DBT: variants seen among roughly 807,000 people sequenced by gnomAD.
DBT encodes lipoamide acyltransferase component of branched-chain alpha-keto acid dehydrogenase complex, mitochondrial.
DBT carries 40 observed loss-of-function variants against 51.3 expected under a neutral mutation model. That is an observed-to-expected ratio of 0.78 (90% CI 0.61 to 1.02). The LOEUF (loss-of-function observed/expected upper bound fraction) is 1.02, where lower values mean the gene tolerates loss of function less well. Ranked by LOEUF, DBT falls within the 50% of genes least tolerant of loss-of-function variation. The pLI is 0.00. For missense variants in DBT, 510 were observed against 580.2 expected, an observed-to-expected ratio of 0.88 and a Z score of 1.24; for synonymous variants, 181 against 190.4, an observed-to-expected ratio of 0.95 and a Z score of 0.41.
chr1:100,198,215 A>T (rs1661217978), intron 10 of DBT, among the ~76,000 whole-genome samples: 1 of 152,248 alleles, frequency 6.6e-6, no homozygotes, highest in Admixed American at 6.5e-5. Context: ...TACATGCTAC[A>T]TGAATGAACC....
intron 3 of DBT, 118 bp downstream of exon 3, chr1:100,235,318 A>T: frequency 1.6e-6 from 1 of 610,634 alleles, no homozygotes; most frequent in Non-Finnish European, 3.0e-6. Flanking sequence ...GTGTTTATAA[A>T]GACGTTTCTC....
chr1:100,247,920 G>A (rs1373242384), intron 1 of DBT, among the ~76,000 whole-genome samples: 8 of 151,744 alleles, frequency 5.3e-5, no homozygotes, highest in Admixed American at 3.3e-4. Flanking sequence ...TGGCCATCAT[G>A]GTGAAACCTC....
In DBT at chr1:100,213,435, G is replaced by A. The variant is rs1662281756; in HGVS notation, c.939+1382C>T. 4 of 1,575,736 alleles carry A rather than the reference G, an allele frequency of 2.5e-6. No homozygotes were observed. The East Asian group carries it at 6.8e-5, about 27-fold the overall frequency. ...CCGCCCTACTCCTACCTCGTCACAC[G>A]GACACCCACCCACCATCCCAGGGTC... On this transcript the variant is annotated intron_variant, in intron 7 of 10. Coordinates refer to ENST00000370132, the MANE Select transcript of DBT (RefSeq NM_001918.5).
chr1:100,197,629 A>G (rs1304983026), intron 10 of DBT, among the ~76,000 whole-genome samples: 1 of 152,182 alleles, frequency 6.6e-6, no homozygotes, highest in Non-Finnish European at 1.5e-5. Flanking sequence ...AGAGATTAGG[A>G]ACATTAGGAG....
chr1:100,234,623 TC>T (rs1293870584), intron 3 of DBT, among the ~76,000 whole-genome samples: 1 of 152,200 alleles, frequency 6.6e-6, no homozygotes, highest in East Asian at 1.9e-4. Flanking sequence ...ACTATTATCC[TC>T]ATATGACACA....
At chr1:100,226,795 G>C (rs998780594) in intron 4 of DBT, among the ~76,000 whole-genome samples, 1 of 152,130 alleles carries the variant, frequency 6.6e-6, no homozygotes, top group African/African-American at 2.4e-5. Context: ...AAAGTTAACA[G>C]GACAATGTTA....
At chr1:100,216,435 A>C (rs1271357198) in intron 5 of DBT, among the ~76,000 whole-genome samples, 1 of 152,096 alleles carries the variant, frequency 6.6e-6, no homozygotes, top group African/African-American at 2.4e-5. Flanking sequence ...ATTTATGAAA[A>C]CTTACTTTTT....
intron 3 of DBT, among the ~76,000 whole-genome samples, chr1:100,231,557 C>T (rs1038100761): frequency 6.6e-6 from 1 of 152,140 alleles, no homozygotes; most frequent in Non-Finnish European, 1.5e-5. Flanking sequence ...TTATTTCTGA[C>T]TTATTGCCAG....
At chr1:100,217,397 C>T (rs1206200407) in intron 5 of DBT, among the ~76,000 whole-genome samples, 3 of 152,164 alleles carry the variant, frequency 2.0e-5, no homozygotes, top group Non-Finnish European at 2.9e-5. Context: ...GGTCTTCATA[C>T]TTAAACACAT....
chr1:100,231,499 T>C (rs2100828819), intron 3 of DBT, among the ~76,000 whole-genome samples: 1 of 152,326 alleles, frequency 6.6e-6, no homozygotes, highest in South Asian at 2.1e-4. Context: ...AAACCTGAAA[T>C]AATACATCTA....
intron 4 of DBT, among the ~76,000 whole-genome samples, chr1:100,222,745 C>T (rs1035858625): frequency 6.6e-6 from 1 of 152,002 alleles, no homozygotes; most frequent in Non-Finnish European, 1.5e-5. Context: ...AGCTCATGTC[C>T]CTCTTTCTCC....
chr1:100,210,336 AG>A (rs1170659824), intron 8 of DBT, among the ~76,000 whole-genome samples: 1 of 144,124 alleles, frequency 6.9e-6, no homozygotes, highest in Non-Finnish European at 1.5e-5. Flanking sequence ...AAGAAGAAGA[AG>A]AAGAAGAAGA....
At chr1:100,226,260 C>A (rs1459556278) in intron 4 of DBT, among the ~76,000 whole-genome samples, 1 of 138,944 alleles carries the variant, frequency 7.2e-6, no homozygotes, top group East Asian at 2.1e-4. Flanking sequence ...TTTTGTTTTT[C>A]TTTAAATTTT....
intron 7 of DBT, chr1:100,213,563 AC>A (rs1662292872): frequency 6.3e-7 from 1 of 1,582,942 alleles, no homozygotes; most frequent in South Asian, 1.1e-5. Flanking sequence ...GGACTGCTTC[AC>A]CTTCCTGGGC....
chr1:100,229,236 C>T (rs4908049), intron 4 of DBT, among the ~76,000 whole-genome samples: 118,499 of 149,948 alleles, frequency 0.79, 48,086 homozygotes, highest in East Asian at 0.95. Flanking sequence ...GGCACGATCT[C>T]GGCTCACTGC....
intron 10 of DBT, among the ~76,000 whole-genome samples, chr1:100,197,203 C>T (rs763421343): frequency 1.3e-5 from 2 of 152,196 alleles, no homozygotes; most frequent in Non-Finnish European, 2.9e-5. Context: ...CTCTCTTTTT[C>T]TATACTGATC....
At chr1:100,228,835 G>A (rs1663363292) in intron 4 of DBT, among the ~76,000 whole-genome samples, 1 of 152,072 alleles carries the variant, frequency 6.6e-6, no homozygotes, top group Non-Finnish European at 1.5e-5. Context: ...TTGGACTACA[G>A]CATATACAAT....
chr1:100,219,534 A>G (rs949081758), intron 4 of DBT, among the ~76,000 whole-genome samples: 4 of 152,058 alleles, frequency 2.6e-5, no homozygotes, highest in Non-Finnish European at 5.9e-5. Flanking sequence ...ACTTGAGCCT[A>G]GGAGTTTAAG....
At chr1:100,228,427 A>C (rs1232015438) in intron 4 of DBT, among the ~76,000 whole-genome samples, 1 of 152,216 alleles carries the variant, frequency 6.6e-6, no homozygotes, top group African/African-American at 2.4e-5. Flanking sequence ...CATTTTGGGG[A>C]TAATTCAGGA....
Sources: allele counts gnomAD v4.1 joint callset (sites outside exome capture counted in the v4.1 genomes callset), GRCh38; gene constraint gnomAD v4.1.1; transcripts MANE v1.5; gene names NCBI Gene and HGNC (gene_info 2026-07-23, HGNC 2026-07-21).